The following FMNL2 variants were observed in gnomAD, a reference collection of about 807,000 sequenced individuals.
FMNL2 encodes formin like 2.
A neutral mutation model predicts 130.2 loss-of-function variants in FMNL2; 51 were observed. That is an observed-to-expected ratio of 0.39 (90% CI 0.31 to 0.49). The LOEUF is 0.49. FMNL2 is among the 20% of genes least tolerant of loss of function. The pLI, the probability that FMNL2 is intolerant of heterozygous loss-of-function variation, is 0.85. For missense variants in FMNL2, 977 were observed against 1,316.2 expected, an observed-to-expected ratio of 0.74 and a Z score of 3.99; for synonymous variants, 465 against 467.1, an observed-to-expected ratio of 1.00 and a Z score of 0.06.
At chr2:152,407,162 TAAAG>T (rs1159663016) in intron 1 of FMNL2, among the ~76,000 whole-genome samples, 3 of 150,266 alleles carry the variant, frequency 2.0e-5, no homozygotes, top group Non-Finnish European at 4.4e-5. Flanking sequence ...ATTAACATCT[TAAAG>T]AACTCTAAAA....
In FMNL2 at chr2:152,335,740, C is replaced by CGGGCGCGGGGACCCGG; in HGVS notation, c.117+23_117+38dup. The CGGGCGCGGGGACCCGG allele has an allele frequency of 6.5e-7, 1 of 1,546,962 alleles. No homozygotes were observed. The highest frequency in any genetic ancestry group is 8.7e-7 in the Non-Finnish European group (1 of 1,147,354). On this transcript the variant is annotated intron_variant, in intron 1 of 25. Coordinates refer to ENST00000288670, the MANE Select transcript of FMNL2 (RefSeq NM_052905.4). ...GTGCTGGTAAGTGCGCGGCGGCGGTCGGGCGCGGGGACCCGGGGCCCCGGG... is the reference window on the plus strand; with the variant it reads ...GTGCTGGTAAGTGCGCGGCGGCGGTCGGGCGCGGGGACCCGGGGGCGCGGGGACCCGGGGCCCCGGG...
In FMNL2 at chr2:152,473,406, G is replaced by C. The variant is rs571673483; in HGVS notation, c.118-48537G>C. On this transcript the variant is annotated intron_variant, in intron 1 of 25. Transcript: ENST00000288670. ...TTCTGAGTCATGATCCTAGTGTTGT[G>C]GGAGAGACAAACAAAAAGAGGTTGG... Among the ~76,000 whole-genome samples, 10 of 152,116 alleles carry C rather than the reference G, an allele frequency of 6.6e-5. No individual in the cohort carries two copies. In the South Asian group the frequency reaches 2.1e-3, roughly 32 times the overall value.
intron 1 of FMNL2, among the ~76,000 whole-genome samples, chr2:152,401,972 C>T (rs1685723187): frequency 7.8e-6 from 1 of 128,874 alleles, no homozygotes; most frequent in South Asian, 2.5e-4. Context: ...GTGGCGCGAT[C>T]TCAGCTCACT....
chr2:152,585,033 T>C (rs1408331881), intron 9 of FMNL2, among the ~76,000 whole-genome samples: 1 of 152,214 alleles, frequency 6.6e-6, no homozygotes, highest in Non-Finnish European at 1.5e-5. Context: ...AAATGAGTCT[T>C]AATTACATGA....
At chr2:152,635,367 T>C (rs1682504083) in intron 21 of FMNL2, among the ~76,000 whole-genome samples, 5 of 152,204 alleles carry the variant, frequency 3.3e-5, no homozygotes, top group African/African-American at 1.2e-4. Context: ...CCAAATGCAT[T>C]GTTGATGTTG....
chr2:152,347,148 A>G (rs1426653185), intron 1 of FMNL2, among the ~76,000 whole-genome samples: 1 of 152,010 alleles, frequency 6.6e-6, no homozygotes, highest in African/African-American at 2.4e-5. Flanking sequence ...CTCCCAGATC[A>G]GGAATCAGAA....
intron 1 of FMNL2, among the ~76,000 whole-genome samples, chr2:152,481,500 T>C (rs1161513008): frequency 1.3e-5 from 2 of 152,240 alleles, no homozygotes; most frequent in East Asian, 1.9e-4. Flanking sequence ...CTTTAAAAAA[T>C]AGTGCTGCCC....
chr2:152,457,365 T>C (rs1689013395), intron 1 of FMNL2, among the ~76,000 whole-genome samples: 1 of 152,230 alleles, frequency 6.6e-6, no homozygotes, highest in South Asian at 2.1e-4. Context: ...ATGGATTTGC[T>C]CTAAGACTTC....
In FMNL2 at chr2:152,552,372, T is replaced by C. The variant is rs566826327; in HGVS notation, c.359+3275T>C. 2.0e-5 allele frequency among the ~76,000 whole-genome samples: 3 copies of C among 152,346 alleles called. No individual in the cohort carries two copies. The South Asian group carries it at 6.2e-4, about 32-fold the overall frequency. On this transcript the variant is annotated intron_variant, in intron 4 of 25. Coordinates refer to ENST00000288670, the MANE Select transcript of FMNL2 (RefSeq NM_052905.4). ...TTATCATCTTTATCTAAAATGATCC[T>C]GACACCCAGGAGATTATGATACCCA...
intron 24 of FMNL2, among the ~76,000 whole-genome samples, chr2:152,640,378 T>C (rs541372108): frequency 2.9e-4 from 44 of 152,308 alleles, no homozygotes; most frequent in South Asian, 6.2e-4. Flanking sequence ...CAGATGCCCA[T>C]TGGTGCTGGC....
intron 10 of FMNL2, among the ~76,000 whole-genome samples, chr2:152,609,222 G>A (rs1311134279): frequency 1.3e-5 from 2 of 152,200 alleles, no homozygotes; most frequent in Admixed American, 1.3e-4. Flanking sequence ...CTTATTTAGA[G>A]GCTGCTATTA....
intron 1 of FMNL2, among the ~76,000 whole-genome samples, chr2:152,451,513 C>G (rs543051673): frequency 6.6e-6 from 1 of 152,068 alleles, no homozygotes; most frequent in South Asian, 2.1e-4. Context: ...TTATTGTGAC[C>G]AGTGTTTTTA....
In FMNL2 at chr2:152,578,941, A is replaced by G. The variant is rs1258700190; in HGVS notation, c.759A>G (p.Leu253=). 1.2e-6 allele frequency: 2 copies of G among 1,613,380 alleles called. No homozygotes were observed. The highest frequency in any genetic ancestry group is 2.2e-5 in the East Asian group (1 of 44,890). The part of the protein sequence containing the change: ...SHPHAVNEIA[L]SLNNKNPRTK... ...CACACGCTGTCAATGAGATTGCACT[A>G]AGCCTGAACAACAAGAATCCCAGGT... Residue 253 remains leucine, a synonymous_variant, in exon 8 of 26, where the codon CTA becomes CTG. Coordinates refer to ENST00000288670, the MANE Select transcript of FMNL2 (RefSeq NM_052905.4).
At chr2:152,376,814 G>T (rs982513626) in intron 1 of FMNL2, among the ~76,000 whole-genome samples, 1 of 152,184 alleles carries the variant, frequency 6.6e-6, no homozygotes, top group Non-Finnish European at 1.5e-5. Context: ...GCTTTCTTGG[G>T]AATTAAGGGT....
intron 3 of FMNL2, among the ~76,000 whole-genome samples, chr2:152,543,253 C>A (rs577720065): frequency 5.2e-4 from 79 of 152,296 alleles, no homozygotes; most frequent in Non-Finnish European, 8.4e-4. Flanking sequence ...ATGCTTTTAG[C>A]AGCTCCCCCC....
At chr2:152,569,093 T>A (rs1380433027) in intron 6 of FMNL2, among the ~76,000 whole-genome samples, 1 of 134,240 alleles carries the variant, frequency 7.4e-6, no homozygotes, top group Non-Finnish European at 1.5e-5. Flanking sequence ...ATTTTGTAGC[T>A]TCCCCCCCCG....
chr2:152,629,546 A>G (rs996013773), intron 18 of FMNL2, 110 bp from the exon 19 acceptor site: 6 of 928,286 alleles, frequency 6.5e-6, no homozygotes, highest in Non-Finnish European at 9.9e-6. Context: ...TGAAGCCTGT[A>G]TGCTCTAAAT....
intron 24 of FMNL2, 105 bp downstream of exon 24, chr2:152,640,161 T>C: frequency 1.1e-6 from 1 of 918,090 alleles, no homozygotes; most frequent in Non-Finnish European, 1.6e-6. Flanking sequence ...CCCAGGATCC[T>C]GACCACTTCC....
At chr2:152,580,765 A>G (rs1255527489) in intron 8 of FMNL2, among the ~76,000 whole-genome samples, 191 bp from the exon 9 acceptor site, 1 of 152,226 alleles carries the variant, frequency 6.6e-6, no homozygotes, top group Non-Finnish European at 1.5e-5. Context: ...CAAATTTGCC[A>G]TCTTAGACAA....
Sources: allele counts gnomAD v4.1 joint callset (sites outside exome capture counted in the v4.1 genomes callset), GRCh38; gene constraint gnomAD v4.1.1; transcripts MANE v1.5; gene names NCBI Gene and HGNC (gene_info 2026-07-23, HGNC 2026-07-21).